Variants in DNAJC1 observed in about 807,000 individuals in gnomAD.
DNAJC1 encodes the protein dnaJ homolog subfamily C member 1.
DNAJC1 carries 58 observed loss-of-function variants against 76.6 expected under a neutral mutation model. The observed-to-expected ratio is 0.76, with a 90% confidence interval of 0.61 to 0.94. The LOEUF (loss-of-function observed/expected upper bound fraction) is 0.94. Ranked by LOEUF, DNAJC1 falls within the 40% of genes least tolerant of loss-of-function variation. DNAJC1 has a pLI of 0.00. For missense variants in DNAJC1, 689 were observed against 677.3 expected, an observed-to-expected ratio of 1.02 and a Z score of -0.19; for synonymous variants, 258 against 267.9, an observed-to-expected ratio of 0.96 and a Z score of 0.36.
chr10:21,895,639 G>A (rs370515063), intron 7 of DNAJC1, among the ~76,000 whole-genome samples: 1 of 152,118 alleles, frequency 6.6e-6, no homozygotes, highest in African/African-American at 2.4e-5. Context: ...ATGCTTGAGG[G>A]AGAATGCCAA....
At chr10:21,921,241 C>T (rs754358305) in intron 3 of DNAJC1, among the ~76,000 whole-genome samples, 4 of 151,894 alleles carry the variant, frequency 2.6e-5, no homozygotes, top group African/African-American at 9.7e-5. Context: ...GACATCTAAA[C>T]TAAAGGAGCT....
rs549825301 is a variant in DNAJC1 at position 21,799,763 on chromosome 10, T to A, written c.1098+6217A>T. ...TCCCATGTTGTCCTCTTCGATTTAT[T>A]CCTTTTGTTGCTGGAGTACAACCTC... On this transcript the variant is annotated intron_variant, in intron 9 of 11. Coordinates refer to ENST00000376980, the MANE Select transcript of DNAJC1 (RefSeq NM_022365.4). 1.4e-3 allele frequency among the ~76,000 whole-genome samples: 208 copies of A among 152,242 alleles called. 1 individual carries two copies. The highest frequency in any genetic ancestry group is 4.2e-3 in the African/African-American group (175 of 41,532).
intron 8 of DNAJC1, among the ~76,000 whole-genome samples, chr10:21,824,359 T>G (rs577328046): frequency 6.6e-6 from 1 of 152,170 alleles, no homozygotes; most frequent in Non-Finnish European, 1.5e-5. Context: ...GCACTTCAAG[T>G]GTGAGAGTTC....
At chr10:21,823,521 GTTA>G (rs1328533935) in intron 8 of DNAJC1, among the ~76,000 whole-genome samples, 4 of 151,628 alleles carry the variant, frequency 2.6e-5, no homozygotes, top group Admixed American at 6.6e-5. Context: ...TCAATAAAAA[GTTA>G]TTGTCATATT....
intron 8 of DNAJC1, among the ~76,000 whole-genome samples, chr10:21,850,136 A>C (rs1835729109): frequency 6.6e-6 from 1 of 152,210 alleles, no homozygotes; most frequent in South Asian, 2.1e-4. Context: ...TGTGTAAGAA[A>C]GAGAAATAAT....
chr10:21,791,856 A>G (rs946424739), intron 9 of DNAJC1, among the ~76,000 whole-genome samples: 8 of 152,150 alleles, frequency 5.3e-5, no homozygotes, highest in African/African-American at 1.9e-4. Flanking sequence ...TAGCAGAAAG[A>G]AAGGAATAAT....
At chr10:21,928,375 CACT>C (rs1837163778) in intron 3 of DNAJC1, 128 bp downstream of exon 3, 1 of 761,856 alleles carries the variant, frequency 1.3e-6, no homozygotes, top group Non-Finnish European at 2.1e-6. Flanking sequence ...ATTTTTAAAA[CACT>C]GCATTTCTCG....
chr10:21,946,826 C>T (rs1347172008), intron 1 of DNAJC1, among the ~76,000 whole-genome samples: 1 of 152,096 alleles, frequency 6.6e-6, no homozygotes. Flanking sequence ...TTGAATGTGT[C>T]CCCCTGAAAG....
Position 22,003,242 on chromosome 10 carries a change from T to G in DNAJC1, c.193A>C (p.Asn65His), listed in dbSNP as rs1282654294. Residue 65 changes from asparagine (N) to histidine (H), a missense_variant, in exon 1 of 12, where the codon AAC becomes CAC. Asn to His is a moderately conservative substitution (Grantham distance 68, BLOSUM62 1). Coordinates refer to ENST00000376980, the MANE Select transcript of DNAJC1 (RefSeq NM_022365.4). ...LFDLVEEVQL[N>H]FYQFLGVQQD... The stretch of plus-strand genomic sequence containing the variant: ...TGCACCCCGAGGAACTGGTAGAAGT[T>G]GAGCTGCACCTCCTCCACTAAGTCA... 9.6e-6 allele frequency: 15 copies of G among 1,570,426 alleles called. No homozygotes were observed. The highest frequency in any genetic ancestry group is 1.3e-5 in the Non-Finnish European group (15 of 1,160,534).
chr10:21,766,295 G>A lies in DNAJC1; in HGVS notation c.1113C>T (p.Ala371=). 1 of 1,613,832 alleles carries A rather than the reference G, an allele frequency of 6.2e-7. No homozygotes were observed. The highest frequency in any genetic ancestry group is 8.5e-7 in the Non-Finnish European group (1 of 1,179,754). Residue 371 remains alanine (A), a synonymous_variant, in exon 10 of 12, where the codon GCC becomes GCT. Transcript: ENST00000376980. ...AGGTCACTGAATCCTTCAGTTGCTTGGCTTTGGTTGTCACCTGTTTCAAAA... is the reference window on the plus strand; with the variant it reads ...AGGTCACTGAATCCTTCAGTTGCTTAGCTTTGGTTGTCACCTGTTTCAAAA... ...GRSVTDVTTK[A]KQLKDSVTCS...
At chr10:21,914,790 C>T (rs1389845441) in intron 6 of DNAJC1, among the ~76,000 whole-genome samples, 1 of 152,130 alleles carries the variant, frequency 6.6e-6, no homozygotes, top group African/African-American at 2.4e-5. Flanking sequence ...TTGTATACCA[C>T]CTAGTATACA....
At chr10:21,883,922 GTAA>G (rs1245891389) in intron 7 of DNAJC1, among the ~76,000 whole-genome samples, 4 of 152,130 alleles carry the variant, frequency 2.6e-5, no homozygotes, top group African/African-American at 9.7e-5. Context: ...AATTTATTAA[GTAA>G]TGCTTACACA....
chr10:21,845,112 C>T (rs1009666868), intron 8 of DNAJC1, among the ~76,000 whole-genome samples: 17 of 152,094 alleles, frequency 1.1e-4, no homozygotes, highest in Non-Finnish European at 1.9e-4. Context: ...TTGGTAGTTA[C>T]GTAGCTATAA....
At chr10:21,932,912 T>C (rs2131785147) in intron 1 of DNAJC1, among the ~76,000 whole-genome samples, 1 of 152,310 alleles carries the variant, frequency 6.6e-6, no homozygotes, top group South Asian at 2.1e-4. Flanking sequence ...CAGGCAAATG[T>C]ATTAGCCAGT....
At chr10:21,865,753 A>G (rs1348191075) in intron 8 of DNAJC1, 1 of 152,264 alleles carries the variant, frequency 6.6e-6, no homozygotes, top group East Asian at 1.9e-4. Context: ...GCTGTTAAAA[A>G]GGGGACATGG....
At chr10:21,861,720 C>T (rs1835918126) in intron 8 of DNAJC1, among the ~76,000 whole-genome samples, 1 of 152,014 alleles carries the variant, frequency 6.6e-6, no homozygotes, top group South Asian at 2.1e-4. Flanking sequence ...CTCCCACCAG[C>T]ACCATGACAG....
intron 8 of DNAJC1, among the ~76,000 whole-genome samples, chr10:21,818,111 C>G (rs1345644550): frequency 1.3e-5 from 2 of 152,194 alleles, no homozygotes; most frequent in Non-Finnish European, 2.9e-5. Context: ...AGCCATATTT[C>G]TCTTCTTTCA....
At chr10:21,936,206 AG>A (rs1214542165) in intron 1 of DNAJC1, among the ~76,000 whole-genome samples, 1 of 152,156 alleles carries the variant, frequency 6.6e-6, no homozygotes, top group East Asian at 1.9e-4. Context: ...CAGCCCTGGG[AG>A]GACACATAGA....
At chr10:21,904,697 T>A in intron 6 of DNAJC1, 85 bp from the exon 7 acceptor site, 1 of 706,450 alleles carries the variant, frequency 1.4e-6, no homozygotes, top group Non-Finnish European at 2.2e-6. Flanking sequence ...TTTAAAGCAT[T>A]ATATTCATTT....
Sources: allele counts gnomAD v4.1 joint callset (sites outside exome capture counted in the v4.1 genomes callset), GRCh38; gene constraint gnomAD v4.1.1; transcripts MANE v1.5; gene names NCBI Gene and HGNC (gene_info 2026-07-23, HGNC 2026-07-21).